Variants in PPIL6 observed in about 807,000 individuals in gnomAD.
PPIL6 encodes the protein probable inactive peptidyl-prolyl cis-trans isomerase-like 6.
In PPIL6, 39 loss-of-function variants were observed where a neutral mutation model predicts 36.8. That is an observed-to-expected ratio of 1.06 (90% CI 0.82 to 1.38). The LOEUF is 1.38. Among genes scored for constraint, PPIL6 ranks in the 40% most tolerant of loss-of-function variants. The pLI is 0.00. For synonymous variants in PPIL6, 123 were observed against 134.1 expected (o/e 0.92, Z 0.57); for missense variants, 368 against 379.1 (o/e 0.97, Z 0.24).
chr6:109,394,550 C>T (rs1313609204), intron 7 of PPIL6, among the ~76,000 whole-genome samples: 1 of 152,050 alleles, frequency 6.6e-6, no homozygotes, highest in Non-Finnish European at 1.5e-5. Context: ...TGGGCTTGGA[C>T]AGTGGCTGAG....
rs551113729 is a variant in PPIL6, at chr6:109,433,248, G to C, written c.232-1903C>G. ...ATTTTTGTATTTTTAGTAGAAATGG[G>C]GTTTCACCATGTTGGCCAGGCTGGT... On this transcript the variant is annotated intron_variant, in intron 2 of 7. Transcript: ENST00000521072. 7.9e-5 allele frequency among the ~76,000 whole-genome samples: 12 copies of C among 152,140 alleles called. No homozygotes were observed. The South Asian group carries it at 2.3e-3, about 29-fold the overall frequency.
intron 5 of PPIL6, among the ~76,000 whole-genome samples, chr6:109,426,385 AAG>A (rs1362273507): frequency 6.6e-6 from 1 of 152,216 alleles, no homozygotes; most frequent in Non-Finnish European, 1.5e-5. Context: ...CCTGAAAAGA[AAG>A]AGAACATAGA....
intron 5 of PPIL6, among the ~76,000 whole-genome samples, chr6:109,425,903 A>G (rs946761545): frequency 2.0e-5 from 3 of 152,206 alleles, no homozygotes; most frequent in African/African-American, 4.8e-5. Flanking sequence ...ATGTTCACCA[A>G]TGGGGAATTA....
At chr6:109,414,832 TAAC>T (rs1195060412) in intron 6 of PPIL6, among the ~76,000 whole-genome samples, 3 of 152,170 alleles carry the variant, frequency 2.0e-5, no homozygotes, top group African/African-American at 7.2e-5. Context: ...CCCAGTGACT[TAAC>T]TACTAATAGT....
At chr6:109,403,362 C>T (rs1262968687) in intron 6 of PPIL6, among the ~76,000 whole-genome samples, 2 of 152,084 alleles carry the variant, frequency 1.3e-5, no homozygotes, top group South Asian at 2.1e-4. Context: ...TCATTTAACA[C>T]TTAAAACATT....
chr6:109,399,406 G>A (rs1225082570), intron 7 of PPIL6, among the ~76,000 whole-genome samples: 1 of 147,864 alleles, frequency 6.8e-6, no homozygotes, highest in African/African-American at 2.5e-5. Flanking sequence ...ACTGCACCCG[G>A]CCTATTTATT....
Position 109,427,114 on chromosome 6 carries a change from T to TTGGA in PPIL6, c.459_462dup (p.Ile155SerfsTer8). ...ATCACCTCAAAAATCAATCTTCCAA[T>TTGGA]TGGAGAAGAATCAATACAAATGTCC... On this transcript the variant is annotated frameshift_variant, in exon 4 of 8. Coordinates refer to ENST00000521072, the MANE Select transcript of PPIL6 (RefSeq NM_173672.5). LOFTEE classifies it high-confidence loss of function. The TTGGA allele has an allele frequency of 6.2e-7, 1 of 1,612,036 alleles. No homozygotes were observed. The highest frequency in any genetic ancestry group is 1.1e-5 in the South Asian group (1 of 90,928).
At chr6:109,419,127 A>C in intron 6 of PPIL6, 60 bp downstream of exon 6, 1 of 977,022 alleles carries the variant, frequency 1.0e-6, no homozygotes, top group Non-Finnish European at 1.7e-6. Context: ...GAAACTGTCC[A>C]GTCCTGTTAA....
chr6:109,424,977 C>T (rs1206417767), intron 5 of PPIL6, among the ~76,000 whole-genome samples: 2 of 152,204 alleles, frequency 1.3e-5, no homozygotes, highest in African/African-American at 2.4e-5. Context: ...AATAAACTTA[C>T]TTTCACTTTA....
At chr6:109,394,297 C>T (rs1772208891) in intron 7 of PPIL6, among the ~76,000 whole-genome samples, 1 of 147,138 alleles carries the variant, frequency 6.8e-6, no homozygotes, top group Non-Finnish European at 1.5e-5. Context: ...TGCTTCAACC[C>T]AGGAGGTGGA....
chr6:109,394,415 T>C (rs1772216411), intron 7 of PPIL6, among the ~76,000 whole-genome samples: 1 of 150,346 alleles, frequency 6.7e-6, no homozygotes, highest in Admixed American at 6.6e-5. Flanking sequence ...TACATCTCTG[T>C]AGACAATTGC....
chr6:109,397,975 TC>T (rs35036350), intron 7 of PPIL6, among the ~76,000 whole-genome samples: 1 of 151,166 alleles, frequency 6.6e-6, no homozygotes, highest in Non-Finnish European at 1.5e-5. Flanking sequence ...CACTGCAACC[TC>T]CCCCTGCTGG....
chr6:109,407,461 G>C (rs543594905), intron 6 of PPIL6, among the ~76,000 whole-genome samples: 22 of 152,106 alleles, frequency 1.4e-4, no homozygotes, highest in Admixed American at 8.5e-4. Context: ...GGATGGTCTC[G>C]ATCTCCTGAC....
chr6:109,439,583 C>T (rs1232138394), intron 1 of PPIL6, among the ~76,000 whole-genome samples: 5 of 152,144 alleles, frequency 3.3e-5, no homozygotes, highest in Non-Finnish European at 7.4e-5. Flanking sequence ...TCTAGAACTC[C>T]GCCTCTGCCT....
chr6:109,393,717 T>A (rs1772185456), intron 7 of PPIL6, among the ~76,000 whole-genome samples: 1 of 152,072 alleles, frequency 6.6e-6, no homozygotes, highest in African/African-American at 2.4e-5. Context: ...ACAGCCAGAC[T>A]GGCTTTCAGT....
chr6:109,410,521 A>T (rs1312940563), intron 6 of PPIL6, among the ~76,000 whole-genome samples: 3 of 152,150 alleles, frequency 2.0e-5, no homozygotes, highest in Admixed American at 2.0e-4. Context: ...CTCCTAAAAT[A>T]GTGATCTTCA....
upstream of PPIL6, chr6:109,440,955 C>G (rs554461501): frequency 5.2e-4 from 331 of 633,622 alleles, no homozygotes; most frequent in African/African-American, 6.0e-3. Flanking sequence ...GCCGGGGGAA[C>G]GCGGGAGTCG....
Position 109,423,260 on chromosome 6 carries a change from G to A in PPIL6, c.631+3587C>T, listed in dbSNP as rs1273277. Among the ~76,000 whole-genome samples, 42 of 152,082 alleles carry A rather than the reference G, an allele frequency of 2.8e-4. 1 individual carries two copies. The highest frequency in any genetic ancestry group is 4.9e-4 in the Non-Finnish European group (33 of 68,026). ...GCGCGTGCCTGTATCCCAGTTACTC[G>A]GGAGGCTGAGGCAGGAGGATCACTT... is the stretch of plus-strand genomic sequence containing the variant. On this transcript the variant is annotated intron_variant, in intron 5 of 7. Transcript: ENST00000521072.
At chr6:109,423,329 G>A (rs184875390) in intron 5 of PPIL6, among the ~76,000 whole-genome samples, 2 of 152,110 alleles carry the variant, frequency 1.3e-5, no homozygotes, top group East Asian at 1.9e-4. Flanking sequence ...ATGGTGCCAC[G>A]TAATCCAGCC....
Sources: allele counts gnomAD v4.1 joint callset (sites outside exome capture counted in the v4.1 genomes callset), GRCh38; gene constraint gnomAD v4.1.1; transcripts MANE v1.5; gene names NCBI Gene and HGNC (gene_info 2026-07-23, HGNC 2026-07-21).